TMEM182: variants seen among roughly 807,000 people sequenced by gnomAD.
TMEM182 encodes the protein transmembrane protein 182.
TMEM182 carries 20 observed loss-of-function variants against 26.8 expected under a neutral mutation model. The observed-to-expected ratio is 0.75, with a 90% CI of 0.53 to 1.09. The LOEUF (loss-of-function observed/expected upper bound fraction) is 1.09. Ranked by LOEUF, TMEM182 falls within the 50% of genes least tolerant of loss-of-function variation. The probability of loss-of-function intolerance (pLI) is 0.00; values close to 1 mark genes in which losing one functional copy is unlikely to be tolerated. For synonymous variants in TMEM182, 109 were observed against 102.2 expected, an observed-to-expected ratio of 1.07 and a Z score of -0.40; for missense variants, 277 against 275.5, an observed-to-expected ratio of 1.01 and a Z score of -0.04.
At chr2:102,764,569 A>C (rs1057364518) in intron 3 of TMEM182, 142 bp downstream of exon 3, 2 of 600,264 alleles carry the variant, frequency 3.3e-6, no homozygotes, top group African/African-American at 3.8e-5. Context: ...AGATTAAAAA[A>C]TGTTATTTTT....
Position 102,816,879 on chromosome 2 carries a change from G to A in TMEM182, c.*1911G>A, listed in dbSNP as rs1286656837. ...GCCATTTAAGTTTCACATACAAGCT[G>A]CTTTCGGCAAAGGCTTGAATATTTA... On this transcript the variant is annotated 3_prime_UTR_variant, in exon 5 of 5. Coordinates refer to ENST00000412401, the MANE Select transcript of TMEM182 (RefSeq NM_144632.5). The A allele has an allele frequency of 2.0e-6, 2 of 985,686 alleles. No individual in the cohort carries two copies. Among genetic ancestry groups the A allele is most frequent in the Admixed American group, 1.2e-4 (2 of 16,266 alleles). 61.1% of individuals were successfully genotyped at this position (985,686 alleles called of 1,614,324 possible). A position where few individuals can be genotyped will look rare whatever the true frequency, so the allele number is the denominator to read the frequency against.
chr2:102,812,067 C>G (rs1682573686), intron 4 of TMEM182, among the ~76,000 whole-genome samples: 1 of 152,186 alleles, frequency 6.6e-6, no homozygotes, highest in Non-Finnish European at 1.5e-5. Flanking sequence ...TCTGTATTAT[C>G]TATCAGTGAA....
chr2:102,797,485 C>T (rs986049562), intron 3 of TMEM182, among the ~76,000 whole-genome samples: 16 of 152,130 alleles, frequency 1.1e-4, no homozygotes, highest in Non-Finnish European at 1.5e-4. Flanking sequence ...TTTGGACATT[C>T]GGTATGAAAC....
At chr2:102,741,832 C>T (rs754362126) in intron 1 of TMEM182, among the ~76,000 whole-genome samples, 20 of 152,142 alleles carry the variant, frequency 1.3e-4, no homozygotes, top group Non-Finnish European at 2.5e-4. Flanking sequence ...CAACAAGGAA[C>T]TAGAGGAAAC....
At chr2:102,840,103 A>G (rs1313170060) in intron 3 of TMEM182, among the ~76,000 whole-genome samples, 1 of 152,202 alleles carries the variant, frequency 6.6e-6, no homozygotes, top group African/African-American at 2.4e-5. Context: ...CAACTTTTAC[A>G]TCTGCCACTA....
At chr2:102,784,400 C>A (rs754483151) in intron 3 of TMEM182, among the ~76,000 whole-genome samples, 1 of 151,562 alleles carries the variant, frequency 6.6e-6, no homozygotes, top group Non-Finnish European at 1.5e-5. Context: ...CACTCCCATG[C>A]GAAACCAGAC....
chr2:102,771,965 A>C (rs2104676838), intron 3 of TMEM182, among the ~76,000 whole-genome samples: 1 of 152,260 alleles, frequency 6.6e-6, no homozygotes, highest in East Asian at 1.9e-4. Context: ...AATGAAAATC[A>C]CTGAGGCCAT....
chr2:102,823,473 A>T (rs997215258), intron 3 of TMEM182, among the ~76,000 whole-genome samples: 1 of 152,058 alleles, frequency 6.6e-6, no homozygotes, highest in Admixed American at 6.6e-5. Flanking sequence ...CTGGGATTAC[A>T]GGTGCCCACC....
Position 102,815,421 on chromosome 2 carries a change from T to C in TMEM182, c.*453T>C, listed in dbSNP as rs1682710331. 8 of 993,994 alleles carry C rather than the reference T, an allele frequency of 8.0e-6. No homozygotes were observed. Among genetic ancestry groups the C allele is most frequent in the Non-Finnish European group, 9.6e-6 (8 of 835,748 alleles). The allele number at this position is 993,994 out of a possible 1,614,324, so 61.6% of individuals were successfully genotyped here. A position where few individuals can be genotyped will look rare whatever the true frequency, so the allele number is the denominator to read the frequency against. The stretch of plus-strand genomic sequence containing the variant: ...TTGTTTCTTGCCCACACAGATAATA[T>C]CCACATACACATTCACTGGCTCTTG... On this transcript the variant is annotated 3_prime_UTR_variant, in exon 5 of 5. Transcript: ENST00000412401.
intron 1 of TMEM182, among the ~76,000 whole-genome samples, chr2:102,743,257 C>G (rs1038328395): frequency 2.6e-5 from 4 of 152,026 alleles, no homozygotes; most frequent in Admixed American, 6.6e-5. Flanking sequence ...AACTCTAGGG[C>G]AACCACAAAA....
intron 1 of TMEM182, among the ~76,000 whole-genome samples, chr2:102,750,301 A>C (rs1250935829): frequency 6.6e-6 from 1 of 152,206 alleles, no homozygotes; most frequent in Non-Finnish European, 1.5e-5. Flanking sequence ...AGACCTTCCC[A>C]GAACTTTATC....
At chr2:102,826,680 T>C (rs554768219) in intron 3 of TMEM182, among the ~76,000 whole-genome samples, 25 of 152,314 alleles carry the variant, frequency 1.6e-4, no homozygotes, top group African/African-American at 5.5e-4. Context: ...ATACAGTTTC[T>C]TCAGCACTAA....
chr2:102,816,090 A>G lies in TMEM182; in HGVS notation c.*1122A>G. On this transcript the variant is annotated 3_prime_UTR_variant, in exon 5 of 5. Coordinates refer to ENST00000412401, the MANE Select transcript of TMEM182 (RefSeq NM_144632.5). ...TAGAAGAAAGTTTTTGTGGGGAAAGATGATTCTGTATTATTCAGTAGCATA... is the reference window on the plus strand; with the variant it reads ...TAGAAGAAAGTTTTTGTGGGGAAAGGTGATTCTGTATTATTCAGTAGCATA... The G allele has an allele frequency of 1.0e-6, 1 of 985,372 alleles. No individual in the cohort carries two copies. Among genetic ancestry groups the G allele is most frequent in the South Asian group, 4.7e-5 (1 of 21,268 alleles). The allele number at this position is 985,372 out of a possible 1,614,324, so 61.0% of individuals were successfully genotyped here. A position where few individuals can be genotyped will look rare whatever the true frequency, so the allele number is the denominator to read the frequency against.
At chr2:102,758,234 A>G (rs903248192), upstream of TMEM182, among the ~76,000 whole-genome samples, 1 of 152,174 alleles carries the variant, frequency 6.6e-6, no homozygotes, top group African/African-American at 2.4e-5. Flanking sequence ...TTCATTAAAA[A>G]AGAGAGAGAA....
intron 3 of TMEM182, among the ~76,000 whole-genome samples, chr2:102,791,736 T>C (rs1292664568): frequency 1.3e-5 from 2 of 152,216 alleles, no homozygotes; most frequent in Non-Finnish European, 2.9e-5. Context: ...CATGTTCTAA[T>C]AGGCACTAAT....
At chr2:102,740,801 A>G (rs1679519956) in intron 1 of TMEM182, among the ~76,000 whole-genome samples, 1 of 152,196 alleles carries the variant, frequency 6.6e-6, no homozygotes. Flanking sequence ...TAACCCCACA[A>G]TGGAAAATCC....
At chr2:102,810,394 G>T (rs955875191) in intron 4 of TMEM182, among the ~76,000 whole-genome samples, 10 of 152,002 alleles carry the variant, frequency 6.6e-5, no homozygotes, top group Non-Finnish European at 4.4e-5. Context: ...AATCTGTTTT[G>T]TTTCCATACT....
chr2:102,740,247 C>T (rs1679504921), intron 1 of TMEM182, among the ~76,000 whole-genome samples: 1 of 152,162 alleles, frequency 6.6e-6, no homozygotes, highest in Admixed American at 6.6e-5. Context: ...CAAATCTCAT[C>T]TTGAACTGCA....
At chr2:102,811,321 A>G (rs1368264769) in intron 4 of TMEM182, among the ~76,000 whole-genome samples, 3 of 152,280 alleles carry the variant, frequency 2.0e-5, no homozygotes, top group African/African-American at 4.8e-5. Flanking sequence ...CCATCAAGTG[A>G]TGTGTGATAT....
Sources: gnomAD v4.1 joint callset for allele counts (sites outside exome capture counted in the v4.1 genomes callset) on GRCh38, gnomAD v4.1.1 for gene constraint, MANE v1.5 for transcripts, NCBI Gene and HGNC (gene_info 2026-07-23, HGNC 2026-07-21) for gene names.